PTPRO: variants seen among roughly 807,000 people sequenced by gnomAD.
PTPRO encodes the protein protein tyrosine phosphatase receptor type O.
In PTPRO, 62 loss-of-function variants were observed where a neutral mutation model predicts 145.2. The observed-to-expected ratio is 0.43, with a 90% CI of 0.35 to 0.53. The LOEUF (loss-of-function observed/expected upper bound fraction) is 0.53. PTPRO is among the 20% of genes least tolerant of loss of function. The probability of loss-of-function intolerance (pLI) is 0.01; values close to 1 mark genes in which losing one functional copy is unlikely to be tolerated. For synonymous variants in PTPRO, 565 were observed against 514.7 expected (o/e 1.10, Z -1.32); for missense variants, 1,345 against 1,482.7 (o/e 0.91, Z 1.53).
intron 17 of PTPRO, among the ~76,000 whole-genome samples, chr12:15,561,063 T>C (rs1943760701): frequency 6.6e-6 from 1 of 152,136 alleles, no homozygotes; most frequent in South Asian, 2.1e-4. Flanking sequence ...TAAGAACTCT[T>C]TCTTTTCCTG....
At chr12:15,519,896 C>G (rs1388977798) in intron 9 of PTPRO, among the ~76,000 whole-genome samples, 1 of 152,120 alleles carries the variant, frequency 6.6e-6, no homozygotes, top group African/African-American at 2.4e-5. Flanking sequence ...AATGTATGTA[C>G]AGTCACTTAT....
In PTPRO at chr12:15,355,152, CTA is replaced by C. The variant is rs569640117; in HGVS notation, c.75+32353_75+32354del. Among the ~76,000 whole-genome samples the C allele has an allele frequency of 3.4e-3, 511 of 152,276 alleles. 1 individual carries two copies. The highest frequency in any genetic ancestry group is 0.01 in the Middle Eastern group (3 of 294). On this transcript the variant is annotated intron_variant, in intron 1 of 26. Coordinates refer to ENST00000281171, the MANE Select transcript of PTPRO (RefSeq NM_030667.3). ...TACGGCTCACATTGGTGGCATTTCC[CTA>C]TGTGTCTTTGCAATGCTCTTATCTG... is the stretch of plus-strand genomic sequence containing the variant.
chr12:15,563,684 T>G (rs1224544293), intron 17 of PTPRO, among the ~76,000 whole-genome samples: 1 of 152,300 alleles, frequency 6.6e-6, no homozygotes, highest in East Asian at 1.9e-4. Flanking sequence ...CTCTCCTCCA[T>G]GAATCAAGTT....
At chr12:15,352,581 G>A (rs1160190594) in intron 1 of PTPRO, among the ~76,000 whole-genome samples, 1 of 151,124 alleles carries the variant, frequency 6.6e-6, no homozygotes, top group African/African-American at 2.4e-5. Flanking sequence ...AACTCGGGAG[G>A]CGAGCTTGCA....
chr12:15,508,428 T>C (rs1791706506), intron 6 of PTPRO, 143 bp from the exon 7 acceptor site: 2 of 847,076 alleles, frequency 2.4e-6, no homozygotes, highest in Non-Finnish European at 3.9e-6. Flanking sequence ...GCAGAGGACC[T>C]GAAGAGTTGC....
At chr12:15,456,427 T>C (rs1385147908) in intron 1 of PTPRO, among the ~76,000 whole-genome samples, 1 of 152,196 alleles carries the variant, frequency 6.6e-6, no homozygotes, top group Non-Finnish European at 1.5e-5. Context: ...TGGCCTGTAG[T>C]TTGCTTTTCT....
At chr12:15,355,977 T>C (rs955969487) in intron 1 of PTPRO, among the ~76,000 whole-genome samples, 1 of 152,208 alleles carries the variant, frequency 6.6e-6, no homozygotes, top group Non-Finnish European at 1.5e-5. Context: ...CTGTGTACTT[T>C]TAATTACAGA....
At chr12:15,405,474 AT>A (rs1190145778) in intron 1 of PTPRO, among the ~76,000 whole-genome samples, 4 of 152,160 alleles carry the variant, frequency 2.6e-5, no homozygotes, top group African/African-American at 9.7e-5. Flanking sequence ...ACTCTAATTG[AT>A]ATGAGTTCTA....
At position 15,430,784 on chromosome 12, in the gene PTPRO, C is replaced by T. The variant is rs190009210; in HGVS notation, c.76-53190C>T. On this transcript the variant is annotated intron_variant, in intron 1 of 26. Transcript: ENST00000281171. Reference sequence around the variant, plus strand: ...GCAATGTTAATTAGCTTGATTTAACCATTCCACAATATACACATATATCAA... The same window carrying T: ...GCAATGTTAATTAGCTTGATTTAACTATTCCACAATATACACATATATCAA... Among the ~76,000 whole-genome samples the T allele has an allele frequency of 1.7e-3, 264 of 152,166 alleles. 1 individual carries two copies. Among genetic ancestry groups the T allele is most frequent in the African/African-American group, 6.1e-3 (252 of 41,514 alleles).
At chr12:15,459,507 G>T (rs1941255212) in intron 1 of PTPRO, among the ~76,000 whole-genome samples, 2 of 152,212 alleles carry the variant, frequency 1.3e-5, no homozygotes, top group Non-Finnish European at 1.5e-5. Context: ...TGGGGATTAT[G>T]GTTAGAGGAT....
intron 2 of PTPRO, among the ~76,000 whole-genome samples, chr12:15,484,575 A>G (rs1941847959): frequency 6.6e-6 from 1 of 151,972 alleles, no homozygotes; most frequent in Non-Finnish European, 1.5e-5. Flanking sequence ...TAACTTGTTT[A>G]TTTTTTTCCA....
intron 1 of PTPRO, among the ~76,000 whole-genome samples, chr12:15,463,773 T>G (rs1941356683): frequency 6.6e-6 from 1 of 152,200 alleles, no homozygotes. Flanking sequence ...TGTCCAGGTA[T>G]TCTTTCATTT....
At chr12:15,463,143 G>A (rs942669929) in intron 1 of PTPRO, among the ~76,000 whole-genome samples, 2 of 152,098 alleles carry the variant, frequency 1.3e-5, no homozygotes, top group African/African-American at 2.4e-5. Context: ...TCATTGTAAA[G>A]AAAATAAATC....
intron 1 of PTPRO, among the ~76,000 whole-genome samples, chr12:15,423,973 T>A (rs1940215047): frequency 6.6e-6 from 1 of 152,180 alleles, no homozygotes; most frequent in South Asian, 2.1e-4. Flanking sequence ...AGTCTGGTCA[T>A]CAAAATAAAA....
rs533447542 is a variant in PTPRO, at chr12:15,542,229, A to G, written c.2165-4340A>G. Among the ~76,000 whole-genome samples, 6 of 152,292 alleles carry G rather than the reference A, an allele frequency of 3.9e-5. No homozygotes were observed. In the South Asian group the frequency reaches 1.2e-3, roughly 32 times the overall value. On this transcript the variant is annotated intron_variant, in intron 12 of 26. Coordinates refer to ENST00000281171, the MANE Select transcript of PTPRO (RefSeq NM_030667.3). ...GAGAATGGAAAACATGAGTCATGTA[A>G]ACCAGGGGTGTCCAGTCTTTTGGCT...
At chr12:15,489,487 A>AAC (rs1941956346) in intron 2 of PTPRO, among the ~76,000 whole-genome samples, 4 of 152,202 alleles carry the variant, frequency 2.6e-5, no homozygotes, top group Non-Finnish European at 5.9e-5. Context: ...CTGAGGGTTT[A>AAC]TGCCCCTTTT....
intron 12 of PTPRO, among the ~76,000 whole-genome samples, chr12:15,545,293 G>A (rs375128064): frequency 2.6e-5 from 4 of 151,730 alleles, no homozygotes; most frequent in East Asian, 2.0e-4. Flanking sequence ...TCTGACAGGC[G>A]CATATAGGTG....
At chr12:15,340,095 T>C (rs1203833887) in intron 1 of PTPRO, among the ~76,000 whole-genome samples, 1 of 152,192 alleles carries the variant, frequency 6.6e-6, no homozygotes, top group Non-Finnish European at 1.5e-5. Flanking sequence ...CTGCTGTTTA[T>C]TGGGGACATT....
chr12:15,519,263 G>A (rs1029969102), intron 9 of PTPRO, among the ~76,000 whole-genome samples: 1 of 152,112 alleles, frequency 6.6e-6, no homozygotes, highest in Non-Finnish European at 1.5e-5. Context: ...GAACAGCACG[G>A]GAAAGACCTG....
Sources: allele counts gnomAD v4.1 joint callset (sites outside exome capture counted in the v4.1 genomes callset), GRCh38; gene constraint gnomAD v4.1.1; transcripts MANE v1.5; gene names NCBI Gene and HGNC (gene_info 2026-07-23, HGNC 2026-07-21).